Variants in FRMD4A observed in about 807,000 individuals in gnomAD.
FRMD4A encodes the protein FERM domain containing 4A, also known as FERM domain-containing protein 4A.
In FRMD4A, 29 loss-of-function variants were observed where a neutral mutation model predicts 129.1. The observed-to-expected ratio is 0.22, with a 90% CI of 0.17 to 0.31. The LOEUF (loss-of-function observed/expected upper bound fraction) is 0.31. Among genes scored for constraint, FRMD4A ranks in the 10% least tolerant of loss-of-function variants. FRMD4A has a pLI of 1.00. For missense variants in FRMD4A, 1,272 were observed against 1,375.8 expected (o/e 0.92, Z 1.19); for synonymous variants, 634 against 571.6 (o/e 1.11, Z -1.56).
chr10:13,847,919 G>C (rs1056695126), intron 3 of FRMD4A, among the ~76,000 whole-genome samples: 2 of 152,216 alleles, frequency 1.3e-5, no homozygotes, highest in African/African-American at 4.8e-5. Flanking sequence ...CAAACTGTGA[G>C]TTATGGATTA....
At chr10:14,088,706 A>G (rs1268011772) in intron 2 of FRMD4A, among the ~76,000 whole-genome samples, 2 of 147,082 alleles carry the variant, frequency 1.4e-5, no homozygotes, top group African/African-American at 5.1e-5. Context: ...AGCTTGCATG[A>G]ACCCAGGAGG....
chr10:13,893,911 A>G (rs2797875), intron 2 of FRMD4A, among the ~76,000 whole-genome samples: 148,091 of 152,290 alleles, frequency 0.97, 72,114 homozygotes, highest in Non-Finnish European at 1. Flanking sequence ...GGCCACTGTC[A>G]TATTCTGTAT....
intron 2 of FRMD4A, among the ~76,000 whole-genome samples, chr10:13,906,033 C>A (rs555232746): frequency 6.6e-6 from 1 of 152,322 alleles, no homozygotes; most frequent in Non-Finnish European, 1.5e-5. Flanking sequence ...TGTTCTGGGT[C>A]AACAGGGCCG....
intron 2 of FRMD4A, among the ~76,000 whole-genome samples, chr10:14,216,731 C>T (rs1344707851): frequency 1.3e-5 from 2 of 152,026 alleles, no homozygotes; most frequent in African/African-American, 2.4e-5. Context: ...CAGAACCTCT[C>T]TTTGTTTTTC....
chr10:14,250,805 G>A (rs1286173198), intron 2 of FRMD4A, among the ~76,000 whole-genome samples: 4 of 152,220 alleles, frequency 2.6e-5, no homozygotes, highest in African/African-American at 7.2e-5. Flanking sequence ...GGCAGTCTCA[G>A]GGGGAGGCCC....
rs1423195742 is a variant in FRMD4A, at chr10:14,218,743, TG to T, written c.45+111314del. Among the ~76,000 whole-genome samples, 8 of 152,008 alleles carry T rather than the reference TG, an allele frequency of 5.3e-5. No individual in the cohort carries two copies. The East Asian group carries it at 1.5e-3, about 29-fold the overall frequency. ...GAGCTAAACCATATCATTCTGTCTCTGGCCCCTCCCAAATGAGCCTGGCCAA... is the reference window on the plus strand; with the variant it reads ...GAGCTAAACCATATCATTCTGTCTCTGCCCCTCCCAAATGAGCCTGGCCAA... On this transcript the variant is annotated intron_variant, in intron 2 of 24. Transcript: ENST00000357447.
intron 2 of FRMD4A, among the ~76,000 whole-genome samples, chr10:14,178,697 C>T (rs1342356183): frequency 3.3e-5 from 5 of 152,056 alleles, no homozygotes; most frequent in South Asian, 2.1e-4. Context: ...GAAGCAAGAA[C>T]GATTTGCATT....
intron 2 of FRMD4A, among the ~76,000 whole-genome samples, chr10:13,965,475 T>C (rs1329961787): frequency 6.6e-6 from 1 of 152,208 alleles, no homozygotes; most frequent in Non-Finnish European, 1.5e-5. Flanking sequence ...CAGGAGTATA[T>C]TTCATATATA....
At chr10:13,777,964 G>A (rs958264469) in intron 6 of FRMD4A, among the ~76,000 whole-genome samples, 2 of 151,636 alleles carry the variant, frequency 1.3e-5, no homozygotes, top group South Asian at 2.1e-4. Context: ...CACCACGCCC[G>A]GCTAACTTTT....
At position 13,958,580 on chromosome 10, in the gene FRMD4A, A is replaced by G. The variant is rs1035582560; in HGVS notation, c.46-99668T>C. ...TTACAGGCGTGAGCCACCGCACCCG[A>G]CCAGTGTCTTTCTTTCTTTCTTTTT... On this transcript the variant is annotated intron_variant, in intron 2 of 24. Transcript: ENST00000357447. Among the ~76,000 whole-genome samples, 22 of 137,414 alleles carry G rather than the reference A, an allele frequency of 1.6e-4. 1 individual carries two copies. The highest frequency in any genetic ancestry group is 4.4e-4 in the African/African-American group (16 of 36,136). The allele number at this position is 137,414 out of a possible 152,430, so 90.1% of individuals were successfully genotyped here.
intron 2 of FRMD4A, chr10:14,326,507 G>A (rs1461762261): frequency 1.5e-5 from 3 of 198,084 alleles, no homozygotes; most frequent in Admixed American, 6.0e-5. Context: ...GGAATTAAAT[G>A]AGATAATGTA....
At chr10:13,866,262 G>A (rs771831373) in intron 2 of FRMD4A, 160 of 975,150 alleles carry the variant, frequency 1.6e-4, no homozygotes, top group East Asian at 2.3e-4. Context: ...GTGACTTACC[G>A]CTGACAGCAC....
At chr10:13,658,420 T>A (rs941449685) in intron 21 of FRMD4A, among the ~76,000 whole-genome samples, 1 of 152,176 alleles carries the variant, frequency 6.6e-6, no homozygotes, top group Non-Finnish European at 1.5e-5. Context: ...CAAAACAGTA[T>A]CACATGGCAG....
chr10:14,162,421 T>C (rs1347217824), intron 2 of FRMD4A, among the ~76,000 whole-genome samples: 2 of 152,248 alleles, frequency 1.3e-5, no homozygotes, highest in African/African-American at 2.4e-5. Context: ...GTGTATATGA[T>C]GGCATGAATG....
chr10:14,176,837 T>A (rs535117046), intron 2 of FRMD4A, among the ~76,000 whole-genome samples: 2 of 152,212 alleles, frequency 1.3e-5, no homozygotes, highest in South Asian at 4.2e-4. Flanking sequence ...TCCCCAAAGG[T>A]TTCATTTTTC....
rs80185069 is a variant in FRMD4A, at chr10:14,262,283, C to T, written c.45+67775G>A. Among the ~76,000 whole-genome samples, 1,433 of 152,258 alleles carry T rather than the reference C, an allele frequency of 9.4e-3. 25 individuals are homozygous for T. Among genetic ancestry groups the T allele is most frequent in the African/African-American group, 0.033 (1,373 of 41,540 alleles). ...TTATCTCTTCTCTTGGCCCCTGATG[C>T]TAACTAGGTAACCCTGGGTGAGTTA... On this transcript the variant is annotated intron_variant, in intron 2 of 24. Transcript: ENST00000357447.
intron 2 of FRMD4A, among the ~76,000 whole-genome samples, chr10:14,132,246 C>T (rs927218875): frequency 3.3e-5 from 5 of 152,124 alleles, no homozygotes; most frequent in African/African-American, 1.2e-4. Context: ...CGAGATCATG[C>T]CTCAGTACTC....
At chr10:13,709,748 C>A (rs906400698) in intron 12 of FRMD4A, among the ~76,000 whole-genome samples, 1 of 152,304 alleles carries the variant, frequency 6.6e-6, no homozygotes, top group South Asian at 2.1e-4. Flanking sequence ...TCTGGGTGTG[C>A]GACCTGAGGG....
chr10:14,113,600 G>C (rs896445724), intron 2 of FRMD4A, among the ~76,000 whole-genome samples: 11 of 152,068 alleles, frequency 7.2e-5, no homozygotes, highest in African/African-American at 2.4e-4. Context: ...ACTGAAAGGG[G>C]TATCAATGCC....
Sources: gnomAD v4.1 joint callset for allele counts (sites outside exome capture counted in the v4.1 genomes callset) on GRCh38, gnomAD v4.1.1 for gene constraint, MANE v1.5 for transcripts, NCBI Gene and HGNC (gene_info 2026-07-23, HGNC 2026-07-21) for gene names.